Variants in PPM1G observed in about 807,000 individuals in gnomAD.
The protein encoded by PPM1G is protein phosphatase 1G.
In PPM1G, 12 loss-of-function variants were observed where a neutral mutation model predicts 59.4. The ratio of observed to expected loss-of-function variants is 0.20; its 90% CI spans 0.13 to 0.33. The LOEUF is 0.33. Ranked by LOEUF, PPM1G falls within the 10% of genes least tolerant of loss-of-function variation. The pLI is 1.00. For missense variants in PPM1G, 392 were observed against 681.3 expected, an observed-to-expected ratio of 0.58 and a Z score of 4.73; for synonymous variants, 245 against 251.9, an observed-to-expected ratio of 0.97 and a Z score of 0.26.
intron 1 of PPM1G, chr2:27,392,883 G>T: frequency 1.4e-6 from 2 of 1,431,242 alleles, no homozygotes; most frequent in Admixed American, 1.7e-5. Context: ...TGGTCACGTG[G>T]TCACCCAATT....
At position 27,384,526 on chromosome 2, in the gene PPM1G, A is replaced by T; in HGVS notation, c.825+147T>A. On this transcript the variant is annotated intron_variant, in intron 5 of 9. Transcript: ENST00000344034. This position sits in a 1 kb window ranked among gnomAD's most constrained non-coding sequence, Gnocchi z 4.8. ...ATGGTACCTGTGATGATGGAGCTCA[A>T]TGAATTCAAGACTAAAGCTTAGAAT... 9.8e-7 allele frequency: 1 copy of T among 1,020,842 alleles called. No individual in the cohort carries two copies. Among genetic ancestry groups the T allele is most frequent in the African/African-American group, 1.6e-5 (1 of 62,508 alleles). 63.2% of individuals were successfully genotyped at this position (1,020,842 alleles called of 1,614,324 possible).
At position 27,393,133 on chromosome 2, in the gene PPM1G, C is replaced by G; in HGVS notation, c.121-5975G>C. ...TTGATATCCTGAAGGAAGATTCGGC[C>G]ACCTCGTTGGTTCTACAGCTTCATC... is the stretch of plus-strand genomic sequence containing the variant. On this transcript the variant is annotated intron_variant, in intron 1 of 9. Coordinates refer to ENST00000344034, the MANE Select transcript of PPM1G (RefSeq NM_177983.3). The G allele has an allele frequency of 2.9e-6, 4 of 1,360,972 alleles. No homozygotes were observed. The South Asian group carries it at 4.6e-5, about 16-fold the overall frequency. 84.3% of individuals were successfully genotyped at this position (1,360,972 alleles called of 1,614,324 possible).
chr2:27,387,000 A>C, intron 2 of PPM1G, 89 bp downstream of exon 2: 4 of 1,016,888 alleles, frequency 3.9e-6, no homozygotes, highest in Non-Finnish European at 6.2e-6. Flanking sequence ...CAGACCCTGG[A>C]AAGTAAATGA....
intron 1 of PPM1G, among the ~76,000 whole-genome samples, chr2:27,405,693 C>T (rs567964733): frequency 6.6e-6 from 1 of 152,096 alleles, no homozygotes; most frequent in African/African-American, 2.4e-5. Flanking sequence ...CCACGACTGG[C>T]CTGTGGTATT....
chr2:27,389,722 T>C lies in PPM1G; in HGVS notation c.121-2564A>G, dbSNP rs528795753. On this transcript the variant is annotated intron_variant, in intron 1 of 9. Coordinates refer to ENST00000344034, the MANE Select transcript of PPM1G (RefSeq NM_177983.3). ...GCTCACACCTGTAATCCCAGCGCTC[T>C]GGGAAGGTAGGCAGGAGGACTGATT... Among the ~76,000 whole-genome samples the C allele has an allele frequency of 9.2e-5, 14 of 152,276 alleles. No homozygotes were observed. In the South Asian group the frequency reaches 2.7e-3, roughly 29 times the overall value.
At chr2:27,397,061 GT>G (rs1423007520) in intron 1 of PPM1G, among the ~76,000 whole-genome samples, 4 of 152,060 alleles carry the variant, frequency 2.6e-5, no homozygotes, top group Non-Finnish European at 4.4e-5. Context: ...TAGAGATGGG[GT>G]TTCTCCACGT....
At chr2:27,403,186 G>C (rs1251076309) in intron 1 of PPM1G, among the ~76,000 whole-genome samples, 39 of 152,230 alleles carry the variant, frequency 2.6e-4, no homozygotes, top group Admixed American at 2.5e-3. Context: ...GCTCATGCCT[G>C]TAATTCCAGC....
At chr2:27,391,888 C>T (rs544490019) in intron 1 of PPM1G, among the ~76,000 whole-genome samples, 62 of 151,940 alleles carry the variant, frequency 4.1e-4, no homozygotes, top group Admixed American at 9.8e-4. Flanking sequence ...CGCGCCGCCA[C>T]GCCCAGCTAA....
At chr2:27,399,950 CAAA>C (rs56786173) in intron 1 of PPM1G, among the ~76,000 whole-genome samples, 4 of 107,126 alleles carry the variant, frequency 3.7e-5, no homozygotes, top group South Asian at 2.8e-4. Context: ...TTTATAATAG[CAAA>C]AAAAAAAAAA....
rs1395795242 is a variant in PPM1G, at chr2:27,382,095, GAC to G, written c.1434+29_1434+30del. The G allele has an allele frequency of 1.0e-5, 16 of 1,590,602 alleles. No individual in the cohort carries two copies. The highest frequency in any genetic ancestry group is 1.3e-5 in the Non-Finnish European group (15 of 1,159,060). The stretch of plus-strand genomic sequence containing the variant: ...GAGTGAACCCTGGCTGTGCAGACCA[GAC>G]ACCCTCTCTTCTCCACCCTGGTACT... On this transcript the variant is annotated intron_variant, in intron 9 of 9. Coordinates refer to ENST00000344034, the MANE Select transcript of PPM1G (RefSeq NM_177983.3). The surrounding 1 kb of genome is among the most constrained non-coding windows in gnomAD (Gnocchi z 4.2).
Position 27,381,588 on chromosome 2 carries a change from C to G in PPM1G, c.*11G>C. 1 of 1,614,118 alleles carries G rather than the reference C, an allele frequency of 6.2e-7. No individual in the cohort carries two copies. Among genetic ancestry groups the G allele is most frequent in the South Asian group, 1.1e-5 (1 of 91,084 alleles). ...GAAAACAGTCTAGGTGGGCAGGGGT[C>G]TGGATGACTGCTAGTCTCGCTTGGC... is the stretch of plus-strand genomic sequence containing the variant. On this transcript the variant is annotated 3_prime_UTR_variant, in exon 10 of 10. Coordinates refer to ENST00000344034, the MANE Select transcript of PPM1G (RefSeq NM_177983.3).
chr2:27,401,134 A>G (rs1043630443), intron 1 of PPM1G, among the ~76,000 whole-genome samples: 16 of 152,250 alleles, frequency 1.1e-4, no homozygotes, highest in Non-Finnish European at 1.5e-5. Context: ...GCACTGATCT[A>G]GAAAGAAGCA....
chr2:27,394,737 G>A lies in PPM1G; in HGVS notation c.121-7579C>T, dbSNP rs1261069881. Among the ~76,000 whole-genome samples, 8 of 94,494 alleles carry A rather than the reference G, an allele frequency of 8.5e-5. No individual in the cohort carries two copies. The South Asian group carries it at 2.1e-3, about 25-fold the overall frequency. The allele number at this position is 94,494 out of a possible 152,430, so 62.0% of individuals were successfully genotyped here. A position where few individuals can be genotyped will look rare whatever the true frequency, so the allele number is the denominator to read the frequency against. On this transcript the variant is annotated intron_variant, in intron 1 of 9. Coordinates refer to ENST00000344034, the MANE Select transcript of PPM1G (RefSeq NM_177983.3). The stretch of plus-strand genomic sequence containing the variant: ...CCGCCTGGTGACAGAGTGAGACTCT[G>A]TCTTAAAAAAAAAAAAAAAAAAAAA...
chr2:27,408,503 T>C (rs1322003423), intron 1 of PPM1G, among the ~76,000 whole-genome samples: 1 of 152,134 alleles, frequency 6.6e-6, no homozygotes, highest in Non-Finnish European at 1.5e-5. Flanking sequence ...CAGAGTAAAA[T>C]TTTCTAGAAA....
In PPM1G at chr2:27,384,875, G is replaced by A. The variant is rs1400979050; in HGVS notation, c.623C>T (p.Ala208Val). ...ETPSQENGPT[A>V]KAYTGFSSNS... ...GGAGGAAAAGCCTGTGTAGGCCTTG[G>A]CTGTGGGGCCATTTTCTTGTGAAGG... Residue 208 changes from alanine to valine, a missense_variant, in exon 5 of 10, where the codon GCC (alanine) becomes GTC (valine). Ala to Val is a moderately conservative substitution (Grantham distance 64). Transcript: ENST00000344034. This position sits in a 1 kb window ranked among gnomAD's most constrained non-coding sequence, Gnocchi z 4.8. 1.9e-6 allele frequency: 3 copies of A among 1,614,090 alleles called. No individual in the cohort carries two copies. The Admixed American group carries it at 5.0e-5, about 27-fold the overall frequency.
At chr2:27,401,486 G>T (rs1252395155) in intron 1 of PPM1G, among the ~76,000 whole-genome samples, 1 of 152,084 alleles carries the variant, frequency 6.6e-6, no homozygotes, top group Admixed American at 6.5e-5. Flanking sequence ...TTCTTTTTGG[G>T]GTTCTAAAAC....
At chr2:27,390,804 G>A (rs1572663190) in intron 1 of PPM1G, among the ~76,000 whole-genome samples, 1 of 152,050 alleles carries the variant, frequency 6.6e-6, no homozygotes, top group East Asian at 1.9e-4. Context: ...CTGTTCCTCT[G>A]CCACACAACC....
intron 1 of PPM1G, 110 bp downstream of exon 1, chr2:27,409,193 C>G: frequency 7.2e-7 from 1 of 1,384,662 alleles, no homozygotes; most frequent in East Asian, 3.1e-5. Context: ...CCGCTGCGGC[C>G]GCAGGCTCCC....
chr2:27,398,714 C>A (rs559966492), intron 1 of PPM1G, among the ~76,000 whole-genome samples: 6 of 150,082 alleles, frequency 4.0e-5, no homozygotes, highest in South Asian at 2.1e-4. Context: ...CCTAGCTACT[C>A]GGGAGGCTGA....
Sources: allele counts gnomAD v4.1 joint callset (sites outside exome capture counted in the v4.1 genomes callset), GRCh38; gene constraint gnomAD v4.1.1; non-coding constraint Gnocchi (gnomAD v3.1); transcripts MANE v1.5; gene names NCBI Gene and HGNC (gene_info 2026-07-23, HGNC 2026-07-21).